ADAM10: variants seen among roughly 807,000 people sequenced by gnomAD.
ADAM10 encodes the protein disintegrin and metalloproteinase domain-containing protein 10.
A neutral mutation model predicts 90.1 loss-of-function variants in ADAM10; 17 were observed. That is an observed-to-expected ratio of 0.19 (90% CI 0.13 to 0.28). The LOEUF (loss-of-function observed/expected upper bound fraction) is 0.28. Among genes scored for constraint, ADAM10 ranks in the 10% least tolerant of loss-of-function variants. The pLI is 1.00. For synonymous variants in ADAM10, 310 were observed against 298.6 expected (o/e 1.04, Z -0.40); for missense variants, 610 against 914.3 (o/e 0.67, Z 4.29).
intron 9 of ADAM10, among the ~76,000 whole-genome samples, chr15:58,630,238 G>T (rs1353635042): frequency 1.3e-5 from 2 of 152,022 alleles, no homozygotes; most frequent in African/African-American, 4.8e-5. Context: ...AACTATGATG[G>T]TCATATTTTC....
rs145707318 is a variant in ADAM10, at chr15:58,611,877, G to C, written c.1626C>G (p.Leu542=). 5.0e-5 allele frequency: 81 copies of C among 1,614,206 alleles called. No homozygotes were observed. In the African/African-American group the frequency reaches 5.9e-4, roughly 12 times the overall value. Residue 542 remains leucine (L), a synonymous_variant, in exon 12 of 16, where the codon CTC becomes CTG. Transcript: ENST00000260408. The part of the protein sequence containing the change: ...REGICNGFTA[L]CPASDPKPNF... ...TTGGTTTAGGGTCAGATGCTGGGCAGAGAGCTGTGAAGCCATTACATATTC... is the reference window on the plus strand; with the variant it reads ...TTGGTTTAGGGTCAGATGCTGGGCACAGAGCTGTGAAGCCATTACATATTC...
chr15:58,684,800 C>T (rs1897541893), intron 2 of ADAM10, among the ~76,000 whole-genome samples: 1 of 152,206 alleles, frequency 6.6e-6, no homozygotes, highest in African/African-American at 2.4e-5. Context: ...TGGCGCAGGA[C>T]TTACAAATGG....
chr15:58,664,700 T>C lies in ADAM10; in HGVS notation c.585+397A>G, dbSNP rs1362311963. On this transcript the variant is annotated intron_variant, in intron 5 of 15. Transcript: ENST00000260408. ...TAAAATACGAAAAGTCCTGAGATTT[T>C]TATTAACATGACCAACCAGATTGTC... Among the ~76,000 whole-genome samples the C allele has an allele frequency of 2.0e-5, 3 of 152,158 alleles. No individual in the cohort carries two copies. In the South Asian group the frequency reaches 6.2e-4, roughly 31 times the overall value.
chr15:58,624,822 T>C (rs12912699), intron 10 of ADAM10, among the ~76,000 whole-genome samples: 78,940 of 152,116 alleles, frequency 0.52, 23,215 homozygotes, highest in East Asian at 0.94. Context: ...CATGAGCCAC[T>C]CTGTCTGGCC....
intron 10 of ADAM10, among the ~76,000 whole-genome samples, chr15:58,622,485 A>G (rs1895815781): frequency 6.6e-6 from 1 of 152,234 alleles, no homozygotes. Context: ...CTGTTAAAGA[A>G]GTTGGGTGAT....
At chr15:58,648,174 C>G (rs1896601812) in intron 5 of ADAM10, among the ~76,000 whole-genome samples, 1 of 152,082 alleles carries the variant, frequency 6.6e-6, no homozygotes. Context: ...ATGTAATATA[C>G]CTGATATATA....
At chr15:58,693,713 A>G (rs1443320692) in intron 2 of ADAM10, among the ~76,000 whole-genome samples, 1 of 151,618 alleles carries the variant, frequency 6.6e-6, no homozygotes, top group Non-Finnish European at 1.5e-5. Flanking sequence ...AAATTTTTTC[A>G]TTAAAAGGGC....
chr15:58,707,120 C>T (rs1031569788), intron 2 of ADAM10, among the ~76,000 whole-genome samples: 2 of 150,500 alleles, frequency 1.3e-5, no homozygotes, highest in East Asian at 2.0e-4. Flanking sequence ...CAGTAGCTCA[C>T]GCCTGTAATC....
chr15:58,705,587 C>A (rs527722724), intron 2 of ADAM10, among the ~76,000 whole-genome samples: 1 of 152,232 alleles, frequency 6.6e-6, no homozygotes, highest in African/African-American at 2.4e-5. Context: ...ATTTTACATC[C>A]AAACCAGACA....
chr15:58,670,956 G>A (rs965433879), intron 4 of ADAM10, among the ~76,000 whole-genome samples: 2 of 152,050 alleles, frequency 1.3e-5, no homozygotes, highest in Non-Finnish European at 2.9e-5. Context: ...TGAAGAAAAT[G>A]AGACCAAGAA....
chr15:58,620,679 T>TG (rs1895757285), intron 11 of ADAM10, among the ~76,000 whole-genome samples: 1 of 40,210 alleles, frequency 2.5e-5, no homozygotes, highest in Admixed American at 2.6e-4. Context: ...TTTTTTTTTT[T>TG]GAGACGGAGT....
chr15:58,611,672 A>G, intron 12 of ADAM10, 136 bp downstream of exon 12: 1 of 795,628 alleles, frequency 1.3e-6, no homozygotes, highest in Non-Finnish European at 2.0e-6. Context: ...TAATATATTC[A>G]TGGTTTTGTG....
At chr15:58,730,713 G>A (rs1256179421) in intron 1 of ADAM10, among the ~76,000 whole-genome samples, 1 of 152,216 alleles carries the variant, frequency 6.6e-6, no homozygotes, top group Non-Finnish European at 1.5e-5. Context: ...GTGTCTCTGA[G>A]GGTGCTTCCA....
chr15:58,738,854 T>C (rs148791799), intron 1 of ADAM10, among the ~76,000 whole-genome samples: 2,648 of 152,330 alleles, frequency 0.017, 31 homozygotes, highest in Non-Finnish European at 0.026. Flanking sequence ...TTGAATCTTT[T>C]ATACAATTTC....
At chr15:58,655,677 C>CTATATATATGT (rs1555414878) in intron 5 of ADAM10, among the ~76,000 whole-genome samples, 3 of 72,448 alleles carry the variant, frequency 4.1e-5, no homozygotes, top group East Asian at 7.4e-4. Context: ...TACATACATA[C>CTATATATATGT]ATATATATAT....
Position 58,643,966 on chromosome 15 carries a change from C to T in ADAM10, c.748G>A (p.Val250Ile). ...TGGTAAATTGTATCAATCGCTTTAACATGACTGGATATCTATGATTTAAAA... is the reference window on the plus strand; with the variant it reads ...TGGTAAATTGTATCAATCGCTTTAATATGACTGGATATCTATGATTTAAAA... ...EAVIAQISSH[V>I]KAIDTIYQTT... is the part of the protein sequence containing the mutation. Residue 250 changes from valine (V) to isoleucine (I), a missense_variant, in exon 7 of 16, where the codon GTT becomes ATT. This residue lies in a region of ADAM10 where 310 missense variants were observed against 362.4 expected (regional missense o/e 0.86). Coordinates refer to ENST00000260408, the MANE Select transcript of ADAM10 (RefSeq NM_001110.4). 6.2e-7 allele frequency: 1 copy of T among 1,607,590 alleles called. No individual in the cohort carries two copies. The highest frequency in any genetic ancestry group is 8.5e-7 in the Non-Finnish European group (1 of 1,174,194).
Position 58,633,178 on chromosome 15 carries a change from T to G in ADAM10, c.1176+18A>C. ...GACTAATAAGTATTTTTTAAGCTAA[T>G]AATTAGACAATACTTACTGGGGATC... is the stretch of plus-strand genomic sequence containing the variant. On this transcript the variant is annotated intron_variant, in intron 9 of 15. Coordinates refer to ENST00000260408, the MANE Select transcript of ADAM10 (RefSeq NM_001110.4). The G allele has an allele frequency of 1.3e-6, 2 of 1,596,216 alleles. No homozygotes were observed. Among genetic ancestry groups the G allele is most frequent in the Admixed American group, 3.3e-5 (2 of 59,910 alleles).
At chr15:58,624,103 G>T (rs1895868452) in intron 10 of ADAM10, among the ~76,000 whole-genome samples, 1 of 151,920 alleles carries the variant, frequency 6.6e-6, no homozygotes, top group South Asian at 2.1e-4. Flanking sequence ...GGCCAACATG[G>T]TAAAACCCCG....
At chr15:58,734,434 G>A (rs571719481) in intron 1 of ADAM10, among the ~76,000 whole-genome samples, 1 of 152,302 alleles carries the variant, frequency 6.6e-6, no homozygotes, top group East Asian at 1.9e-4. Flanking sequence ...AATCTACGAT[G>A]AGTCGAATTA....
Sources: gnomAD v4.1 joint callset for allele counts (sites outside exome capture counted in the v4.1 genomes callset) on GRCh38, gnomAD v4.1.1 for gene constraint, gnomAD v4.1.1 regional missense constraint, MANE v1.5 for transcripts, NCBI Gene and HGNC (gene_info 2026-07-23, HGNC 2026-07-21) for gene names.